Variants in ATP11A observed in about 807,000 individuals in gnomAD.
The protein encoded by ATP11A is phospholipid-transporting ATPase IH.
In ATP11A, 81 loss-of-function variants were observed where a neutral mutation model predicts 154.4. That is an observed-to-expected ratio of 0.52 (90% CI 0.44 to 0.63). The LOEUF is 0.63. Among genes scored for constraint, ATP11A ranks in the 30% least tolerant of loss-of-function variants. ATP11A has a pLI of 0.00. For synonymous variants in ATP11A, 623 were observed against 585.9 expected, an observed-to-expected ratio of 1.06 and a Z score of -0.91; for missense variants, 1,316 against 1,474.3, an observed-to-expected ratio of 0.89 and a Z score of 1.76.
At chr13:112,777,302 G>A (rs1018836244) in intron 1 of ATP11A, among the ~76,000 whole-genome samples, 1 of 152,182 alleles carries the variant, frequency 6.6e-6, no homozygotes, top group Non-Finnish European at 1.5e-5. Flanking sequence ...GGTGGCTCAC[G>A]CCCGTAATCC....
chr13:112,725,996 C>T (rs1889832887), intron 1 of ATP11A, among the ~76,000 whole-genome samples: 1 of 152,258 alleles, frequency 6.6e-6, no homozygotes, highest in African/African-American at 2.4e-5. Flanking sequence ...ACCTCTGTGC[C>T]AAGCAAGCTT....
intron 1 of ATP11A, among the ~76,000 whole-genome samples, chr13:112,768,794 C>A (rs550777629): frequency 1.3e-5 from 2 of 152,126 alleles, no homozygotes; most frequent in Non-Finnish European, 2.9e-5. Context: ...CAGTGTTTTC[C>A]GGTGGCTTGG....
At chr13:112,791,905 C>G (rs992218477) in intron 2 of ATP11A, among the ~76,000 whole-genome samples, 1 of 152,130 alleles carries the variant, frequency 6.6e-6, no homozygotes, top group Non-Finnish European at 1.5e-5. Context: ...CCAGGAAGCC[C>G]TCACTCAGGA....
chr13:112,827,656 T>C (rs1235591222), intron 12 of ATP11A, among the ~76,000 whole-genome samples: 2 of 152,220 alleles, frequency 1.3e-5, no homozygotes, highest in Admixed American at 6.5e-5. Flanking sequence ...TAAACGGTAA[T>C]TGGATTTTTC....
chr13:112,827,484 C>T (rs936101522), intron 12 of ATP11A, among the ~76,000 whole-genome samples: 7 of 152,144 alleles, frequency 4.6e-5, no homozygotes, highest in African/African-American at 4.8e-5. Context: ...GTGTGACCAC[C>T]GCCCTGCCAC....
rs926624645 is a variant in ATP11A at position 112,696,403 on chromosome 13, C to T, written c.39+5948C>T. Among the ~76,000 whole-genome samples, 1 of 152,088 alleles carries T rather than the reference C, an allele frequency of 6.6e-6. No individual in the cohort carries two copies. Among genetic ancestry groups the T allele is most frequent in the Admixed American group, 6.5e-5 (1 of 15,270 alleles). On this transcript the variant is annotated intron_variant, in intron 1 of 29. Transcript: ENST00000375645. The surrounding 1 kb of genome is among the most constrained non-coding windows in gnomAD (Gnocchi z 6.2). ...ACTGGTGGGAACGCCCCTGCCACGCCCAGCAGCCTTTCTGCCTCTGCGCTT... is the reference window on the plus strand; with the variant it reads ...ACTGGTGGGAACGCCCCTGCCACGCTCAGCAGCCTTTCTGCCTCTGCGCTT...
chr13:112,761,083 C>A (rs1043682582), intron 1 of ATP11A, among the ~76,000 whole-genome samples: 1 of 152,206 alleles, frequency 6.6e-6, no homozygotes, highest in Non-Finnish European at 1.5e-5. Flanking sequence ...TGAACCCTCC[C>A]TTCGTCCAGC....
intron 1 of ATP11A, among the ~76,000 whole-genome samples, chr13:112,765,342 CCGCCCT>C (rs2077050606): frequency 6.6e-6 from 1 of 152,090 alleles, no homozygotes; most frequent in Admixed American, 6.5e-5. Context: ...AACCCCAGGC[CCGCCCT>C]GCCTTGTTTT....
At position 112,728,078 on chromosome 13, in the gene ATP11A, C is replaced by T. The variant is rs555536868; in HGVS notation, c.39+37623C>T. On this transcript the variant is annotated intron_variant, in intron 1 of 29. Coordinates refer to ENST00000375645, the MANE Select transcript of ATP11A (RefSeq NM_015205.3). Reference sequence around the variant, plus strand: ...AGTGAATGTTGTAGGCTTATGGGGCCTTGAGGTCTGTGCACCTGCTCACAT... The same window carrying T: ...AGTGAATGTTGTAGGCTTATGGGGCTTTGAGGTCTGTGCACCTGCTCACAT... Among the ~76,000 whole-genome samples, 31 of 152,302 alleles carry T rather than the reference C, an allele frequency of 2.0e-4. No individual in the cohort carries two copies. The South Asian group carries it at 3.7e-3, about 18-fold the overall frequency.
intron 25 of ATP11A, among the ~76,000 whole-genome samples, chr13:112,865,739 C>T (rs747739463): frequency 7.2e-5 from 11 of 152,154 alleles, no homozygotes; most frequent in African/African-American, 2.4e-4. Context: ...TTAGTAGAGA[C>T]GGGGTTTTAC....
chr13:112,882,037 T>A lies in ATP11A; in HGVS notation c.*171T>A. 1 of 1,367,744 alleles carries A rather than the reference T, an allele frequency of 7.3e-7. No individual in the cohort carries two copies. The highest frequency in any genetic ancestry group is 1.1e-5 in the South Asian group (1 of 88,046). 84.7% of individuals were successfully genotyped at this position (1,367,744 alleles called of 1,614,324 possible). ...GTTCCATCCCAAGTCACAGCTGCCC[T>A]AGGTCCCGTGTGGGAATGCTCGTGT... On this transcript the variant is annotated 3_prime_UTR_variant, in exon 30 of 30. Transcript: ENST00000375645. The surrounding 1 kb of genome is among the most constrained non-coding windows in gnomAD (Gnocchi z 5.1).
Position 112,884,969 on chromosome 13 carries a change from C to T in ATP11A, c.*3103C>T, listed in dbSNP as rs2080949703. The stretch of plus-strand genomic sequence containing the variant: ...ACTCATAGCCATGTCCACATGGGGG[C>T]TTGCACACAGGATCACTCACATATG... On this transcript the variant is annotated 3_prime_UTR_variant, in exon 30 of 30. Coordinates refer to ENST00000375645, the MANE Select transcript of ATP11A (RefSeq NM_015205.3). The T allele has an allele frequency of 6.6e-6, 1 of 152,448 alleles. No individual in the cohort carries two copies. The highest frequency in any genetic ancestry group is 2.4e-5 in the African/African-American group (1 of 41,470). 9.4% of individuals were successfully genotyped at this position (152,448 alleles called of 1,614,324 possible). A position where few individuals can be genotyped will look rare whatever the true frequency, so the allele number is the denominator to read the frequency against.
intron 28 of ATP11A, among the ~76,000 whole-genome samples, chr13:112,876,571 G>A (rs1380326090): frequency 6.6e-6 from 1 of 152,206 alleles, no homozygotes; most frequent in East Asian, 1.9e-4. Flanking sequence ...CCTGTCCTCA[G>A]AGGGCCGCTG....
At position 112,769,819 on chromosome 13, in the gene ATP11A, C is replaced by T. The variant is rs376624324; in HGVS notation, c.40-15316C>T. 7.9e-5 allele frequency among the ~76,000 whole-genome samples: 12 copies of T among 152,338 alleles called. No individual in the cohort carries two copies. In the South Asian group the frequency reaches 1.7e-3, roughly 21 times the overall value. On this transcript the variant is annotated intron_variant, in intron 1 of 29. Coordinates refer to ENST00000375645, the MANE Select transcript of ATP11A (RefSeq NM_015205.3). ...ACCGTGCTGAGGCCAGCCTCAGAGC[C>T]GCGGGGAAGCCAGGTCTGTCTGATC...
intron 2 of ATP11A, among the ~76,000 whole-genome samples, chr13:112,797,284 C>CAAAA (rs34154413): frequency 5.5e-5 from 2 of 36,248 alleles, no homozygotes; most frequent in Non-Finnish European, 9.7e-5. Context: ...AACTCCATCT[C>CAAAA]AAAAAAAAAA....
chr13:112,759,974 G>T (rs1449785678), intron 1 of ATP11A, among the ~76,000 whole-genome samples: 3 of 152,126 alleles, frequency 2.0e-5, no homozygotes, highest in Admixed American at 2.0e-4. Context: ...GCTAATTCCT[G>T]TCATCATTAA....
At chr13:112,842,416 G>C in intron 17 of ATP11A, 37 bp downstream of exon 17, 1 of 1,424,768 alleles carries the variant, frequency 7.0e-7, no homozygotes, top group Non-Finnish European at 9.8e-7. Context: ...GTGGCGGTCA[G>C]CTCCCCTGCT....
chr13:112,779,129 CGCTGG>C (rs1337466126), intron 1 of ATP11A, among the ~76,000 whole-genome samples: 1,866 of 34,346 alleles, frequency 0.054, 155 homozygotes, highest in African/African-American at 0.24. Context: ...AGTGAGTAGC[CGCTGG>C]AGTGAGTAGC....
chr13:112,859,141 G>A lies in ATP11A; in HGVS notation c.2668-252G>A, dbSNP rs2080024840. 2 of 509,696 alleles carry A rather than the reference G, an allele frequency of 3.9e-6. No homozygotes were observed. The highest frequency in any genetic ancestry group is 7.2e-6 in the Non-Finnish European group (2 of 279,276). The allele number at this position is 509,696 out of a possible 1,614,324, so 31.6% of individuals were successfully genotyped here. ...TCCCGTTTATACTGATACCTGCATT[G>A]CCTTCTTGTTTCTCTTGGAGCTGAC... is the stretch of plus-strand genomic sequence containing the variant. On this transcript the variant is annotated intron_variant, in intron 22 of 29. Coordinates refer to ENST00000375645, the MANE Select transcript of ATP11A (RefSeq NM_015205.3). This position sits in a 1 kb window ranked among gnomAD's most constrained non-coding sequence, Gnocchi z 4.3.
Sources: gnomAD v4.1 joint callset for allele counts (sites outside exome capture counted in the v4.1 genomes callset) on GRCh38, gnomAD v4.1.1 for gene constraint, Gnocchi (gnomAD v3.1) non-coding constraint, MANE v1.5 for transcripts, NCBI Gene and HGNC (gene_info 2026-07-23, HGNC 2026-07-21) for gene names.